TRMT1L: variants seen among roughly 807,000 people sequenced by gnomAD.
TRMT1L encodes the protein tRNA methyltransferase 1L, also known as tRNA (guanine(27)-N(2))-dimethyltransferase.
TRMT1L carries 28 observed loss-of-function variants against 81.6 expected under a neutral mutation model. The observed-to-expected ratio is 0.34, with a 90% CI of 0.25 to 0.47. The LOEUF is 0.47. Ranked by LOEUF, TRMT1L falls within the 20% of genes least tolerant of loss-of-function variation. The pLI, the probability that TRMT1L is intolerant of heterozygous loss-of-function variation, is 1.00. For synonymous variants in TRMT1L, 301 were observed against 303.2 expected (o/e 0.99, Z 0.07); for missense variants, 739 against 877.1 (o/e 0.84, Z 1.99).
intron 10 of TRMT1L, among the ~76,000 whole-genome samples, chr1:185,135,272 C>T (rs111666701): frequency 0.1 from 15,153 of 151,730 alleles, 982 homozygotes; most frequent in East Asian, 0.25. Flanking sequence ...AAAAGTTAGC[C>T]GGGCATGATG....
chr1:185,120,033 A>G lies in TRMT1L; in HGVS notation c.2188T>C (p.Cys730Arg), dbSNP rs1168565673. The G allele has an allele frequency of 1.2e-6, 2 of 1,613,690 alleles. No homozygotes were observed. Among genetic ancestry groups the G allele is most frequent in the East Asian group, 4.5e-5 (2 of 44,878 alleles). Residue 730 changes from cysteine (C) to arginine (R), a missense_variant, in exon 15 of 15, where the codon TGC becomes CGC. Cys to Arg is a radical substitution (Grantham distance 180). Around this residue, in one of 4 missense-constraint regions of TRMT1L, gnomAD observed 196 missense variants for 232.6 expected, o/e 0.84. Transcript: ENST00000367506. ...CTTCTCTACGTTTACCATCTTCTGC[A>G]GCCACTTGCTTCTGCTTTGTCATTC... ...SVNDKAEASG[C>R]RRW
At position 185,139,169 on chromosome 1, in the gene TRMT1L, G is replaced by A. The variant is rs115985345; in HGVS notation, c.1322+198C>T. Among the ~76,000 whole-genome samples the A allele has an allele frequency of 6.2e-3, 949 of 152,220 alleles. 13 individuals are homozygous for A. Among genetic ancestry groups the A allele is most frequent in the African/African-American group, 0.021 (882 of 41,522 alleles). The stretch of plus-strand genomic sequence containing the variant: ...ATTTCAGTAACATTTTAATTGGAGA[G>A]TAAACTGAATATTTCAGGTATAAAC... On this transcript the variant is annotated intron_variant, in intron 9 of 14. Transcript: ENST00000367506.
At chr1:185,131,175 A>G (rs548273668) in intron 10 of TRMT1L, among the ~76,000 whole-genome samples, 1 of 151,756 alleles carries the variant, frequency 6.6e-6, no homozygotes, top group East Asian at 1.9e-4. Flanking sequence ...AATTTTTTGT[A>G]TTTTTAGTAG....
At position 185,118,421 on chromosome 1, in the gene TRMT1L, A is replaced by G. The variant is rs1460998467; in HGVS notation, c.*1598T>C. 6.6e-6 allele frequency: 1 copy of G among 152,196 alleles called. No individual in the cohort carries two copies. Among genetic ancestry groups the G allele is most frequent in the Non-Finnish European group, 1.5e-5 (1 of 68,014 alleles). 9.4% of individuals were successfully genotyped at this position (152,196 alleles called of 1,614,324 possible). On this transcript the variant is annotated 3_prime_UTR_variant, in exon 15 of 15. Coordinates refer to ENST00000367506, the MANE Select transcript of TRMT1L (RefSeq NM_030934.5). ...TAAGCCCAACTCATCACTGATCAACATATTTCATGCTGATAAGCATTTAGC... is the reference window on the plus strand; with the variant it reads ...TAAGCCCAACTCATCACTGATCAACGTATTTCATGCTGATAAGCATTTAGC...
Position 185,120,109 on chromosome 1 carries a change from A to G in TRMT1L, c.2112T>C (p.His704=). The change falls in exon 15 of 15, where the codon CAT becomes CAC. Residue 704 remains histidine, a synonymous_variant. Transcript: ENST00000367506. ...PTYTGGQSES[H]VQSASEDTVT... ...CTGTATCTTCAGATGCTGACTGGAC[A>G]TGGCTTTCTGACTGTCCTCCAGTGT... 1 of 1,613,962 alleles carries G rather than the reference A, an allele frequency of 6.2e-7. No homozygotes were observed. Among genetic ancestry groups the G allele is most frequent in the Non-Finnish European group, 8.5e-7 (1 of 1,179,914 alleles).
chr1:185,149,750 T>G (rs1285968561), intron 3 of TRMT1L, among the ~76,000 whole-genome samples: 2 of 152,214 alleles, frequency 1.3e-5, no homozygotes, highest in Non-Finnish European at 2.9e-5. Flanking sequence ...ATAATTCACT[T>G]AGGAAGCCCT....
chr1:185,155,965 C>T (rs769590757), intron 1 of TRMT1L, among the ~76,000 whole-genome samples: 7 of 152,104 alleles, frequency 4.6e-5, no homozygotes, highest in African/African-American at 1.7e-4. Flanking sequence ...AAGCTGCTAG[C>T]GGGGGAAAAG....
chr1:185,121,906 C>G (rs1425640757), intron 13 of TRMT1L, among the ~76,000 whole-genome samples: 2 of 151,630 alleles, frequency 1.3e-5, no homozygotes, highest in African/African-American at 4.8e-5. Context: ...GGCATAGTAC[C>G]CAACAGGTGG....
chr1:185,119,631 A>C lies in TRMT1L; in HGVS notation c.*388T>G, dbSNP rs531095412. On this transcript the variant is annotated 3_prime_UTR_variant, in exon 15 of 15. Coordinates refer to ENST00000367506, the MANE Select transcript of TRMT1L (RefSeq NM_030934.5). ...CCTTCAGCTTCATTTTGTACACTAC[A>C]AACAGGAAAACATAAACATCATGAA... 1 of 162,522 alleles carries C rather than the reference A, an allele frequency of 6.2e-6. No individual in the cohort carries two copies. Among genetic ancestry groups the C allele is most frequent in the African/African-American group, 2.4e-5 (1 of 41,874 alleles). The allele number at this position is 162,522 out of a possible 1,614,324, so 10.1% of individuals were successfully genotyped here.
intron 13 of TRMT1L, among the ~76,000 whole-genome samples, chr1:185,122,682 ATTTT>A (rs374716894): frequency 8.4e-6 from 1 of 118,862 alleles, no homozygotes; most frequent in Non-Finnish European, 1.7e-5. Flanking sequence ...CTTAAATCTA[ATTTT>A]TTTTTTTTTT....
At chr1:185,148,754 T>TCATA (rs777833878) in intron 3 of TRMT1L, among the ~76,000 whole-genome samples, 22 of 152,236 alleles carry the variant, frequency 1.4e-4, no homozygotes, top group Non-Finnish European at 2.9e-4. Context: ...GTATGGTTTA[T>TCATA]CATACATTCT....
At chr1:185,143,200 A>G (rs1416910657) in intron 7 of TRMT1L, among the ~76,000 whole-genome samples, 157 bp downstream of exon 7, 3 of 152,118 alleles carry the variant, frequency 2.0e-5, no homozygotes, top group African/African-American at 7.2e-5. Flanking sequence ...CACTTATTAT[A>G]CTCTAATATA....
chr1:185,123,979 T>G, intron 12 of TRMT1L, 60 bp from the exon 13 acceptor site: 1 of 955,060 alleles, frequency 1.0e-6, no homozygotes, highest in African/African-American at 1.7e-5. Flanking sequence ...AAGCAACAAC[T>G]CAGTTTAAAT....
intron 6 of TRMT1L, among the ~76,000 whole-genome samples, chr1:185,143,672 ACAGAAGTAC>A (rs1653109304): frequency 6.6e-6 from 1 of 152,124 alleles, no homozygotes; most frequent in Non-Finnish European, 1.5e-5. Context: ...AAACTTGCTC[ACAGAAGTAC>A]CAGCTTGTTC....
At chr1:185,143,468 A>C in intron 6 of TRMT1L, 32 bp from the exon 7 acceptor site, 1 of 1,567,610 alleles carries the variant, frequency 6.4e-7, no homozygotes, top group Non-Finnish European at 8.7e-7. Flanking sequence ...AAATAACTTT[A>C]CCATGGCTTC....
At chr1:185,153,491 A>G (rs1018525859) in intron 1 of TRMT1L, among the ~76,000 whole-genome samples, 9 of 152,212 alleles carry the variant, frequency 5.9e-5, no homozygotes, top group African/African-American at 2.2e-4. Context: ...TGAATATCAC[A>G]AACAGTTGTA....
intron 13 of TRMT1L, 132 bp from the exon 14 acceptor site, chr1:185,120,641 A>T: frequency 1.2e-6 from 1 of 815,012 alleles, no homozygotes; most frequent in African/African-American, 1.8e-5. Flanking sequence ...TAATTCTTAT[A>T]ATTTATTCTA....
chr1:185,152,006 G>A (rs1400176598), intron 1 of TRMT1L, 71 bp from the exon 2 acceptor site: 10 of 905,888 alleles, frequency 1.1e-5, no homozygotes, highest in South Asian at 3.6e-5. Flanking sequence ...TGATCACATC[G>A]TATAGAAGTT....
Position 185,123,846 on chromosome 1 carries a change from T to C in TRMT1L, c.1822+11A>G. 1.3e-6 allele frequency: 2 copies of C among 1,485,880 alleles called. No homozygotes were observed. Among genetic ancestry groups the C allele is most frequent in the Non-Finnish European group, 1.8e-6 (2 of 1,109,134 alleles). The allele number at this position is 1,485,880 out of a possible 1,614,324, so 92.0% of individuals were successfully genotyped here. ...ATATGTACATATGTACACACATATA[T>C]GCATACATACCTTGTGCAATGTAAT... On this transcript the variant is annotated intron_variant, in intron 13 of 14. Coordinates refer to ENST00000367506, the MANE Select transcript of TRMT1L (RefSeq NM_030934.5).
Sources: allele counts gnomAD v4.1 joint callset (sites outside exome capture counted in the v4.1 genomes callset), GRCh38; gene constraint gnomAD v4.1.1; regional missense constraint gnomAD v4.1.1; transcripts MANE v1.5; gene names NCBI Gene and HGNC (gene_info 2026-07-23, HGNC 2026-07-21).